LHFPL3: variants seen among roughly 807,000 people sequenced by gnomAD.
LHFPL3 encodes LHFPL tetraspan subfamily member 3 protein.
Under a neutral mutation model 19.3 loss-of-function variants are expected in LHFPL3, and 5 were observed. The ratio of observed to expected loss-of-function variants is 0.26; its 90% CI spans 0.14 to 0.54. LHFPL3 has a LOEUF of 0.54. Among genes scored for constraint, LHFPL3 ranks in the 20% least tolerant of loss-of-function variants. LHFPL3 has a pLI of 0.94. For synonymous variants in LHFPL3, 133 were observed against 126.2 expected, an observed-to-expected ratio of 1.05 and a Z score of -0.36; for missense variants, 249 against 307.4, an observed-to-expected ratio of 0.81 and a Z score of 1.42.
At chr7:104,383,408 C>T (rs1475976091) in intron 1 of LHFPL3, among the ~76,000 whole-genome samples, 1 of 152,146 alleles carries the variant, frequency 6.6e-6, no homozygotes, top group African/African-American at 2.4e-5. Context: ...TTTAACAAGC[C>T]ACATAGTAAT....
intron 2 of LHFPL3, among the ~76,000 whole-genome samples, chr7:104,821,295 T>C (rs1046680764): frequency 1.3e-5 from 2 of 151,952 alleles, no homozygotes; most frequent in Non-Finnish European, 2.9e-5. Flanking sequence ...AAGCAAAGGG[T>C]TCCCTGCTGA....
Position 104,720,961 on chromosome 7 carries a change from A to G in LHFPL3, c.446-15714A>G, listed in dbSNP as rs143720118. Reference sequence around the variant, plus strand: ...GGTGGGAGTGTAAATTAGTTCAACCATTGAGGAAGACAGTGTGACGATTCC... The same window carrying G: ...GGTGGGAGTGTAAATTAGTTCAACCGTTGAGGAAGACAGTGTGACGATTCC... On this transcript the variant is annotated intron_variant, in intron 1 of 2. Coordinates refer to ENST00000424859, the MANE Select transcript of LHFPL3 (RefSeq NM_199000.3). 6.4e-3 allele frequency among the ~76,000 whole-genome samples: 970 copies of G among 152,342 alleles called. 11 individuals carry two copies. Among genetic ancestry groups the G allele is most frequent in the African/African-American group, 0.022 (913 of 41,570 alleles).
intron 2 of LHFPL3, among the ~76,000 whole-genome samples, chr7:104,840,303 G>GTT (rs1265549229): frequency 2.6e-5 from 2 of 77,928 alleles, no homozygotes; most frequent in African/African-American, 4.7e-5. Flanking sequence ...TTTCTTGTGG[G>GTT]TTTTCTTTTT....
intron 1 of LHFPL3, among the ~76,000 whole-genome samples, chr7:104,730,434 A>G (rs1181819969): frequency 2.6e-5 from 4 of 152,190 alleles, no homozygotes; most frequent in Admixed American, 6.5e-5. Context: ...AAAGATCGCC[A>G]TTCTAACTGG....
intron 1 of LHFPL3, among the ~76,000 whole-genome samples, chr7:104,515,743 G>A (rs1180622121): frequency 6.6e-6 from 1 of 152,162 alleles, no homozygotes; most frequent in East Asian, 1.9e-4. Context: ...CAGCCTTTGA[G>A]ATTAAGTACA....
At position 104,452,642 on chromosome 7, in the gene LHFPL3, T is replaced by C. The variant is rs115457841; in HGVS notation, c.445+123418T>C. On this transcript the variant is annotated intron_variant, in intron 1 of 2. Transcript: ENST00000424859. The stretch of plus-strand genomic sequence containing the variant: ...TTAATTAAGCATTATATCTTTTTAA[T>C]TGATTTTATTGATATTTCTTTCATC... Among the ~76,000 whole-genome samples, 648 of 152,358 alleles carry C rather than the reference T, an allele frequency of 4.3e-3. 1 individual carries two copies. The highest frequency in any genetic ancestry group is 0.015 in the African/African-American group (625 of 41,588).
intron 2 of LHFPL3, chr7:104,845,405 C>A: frequency 6.5e-7 from 1 of 1,535,684 alleles, no homozygotes; most frequent in Non-Finnish European, 8.7e-7. Context: ...TTAAGGCAAA[C>A]TAAGGTAGTG....
At chr7:104,519,644 C>T (rs1050161179) in intron 1 of LHFPL3, among the ~76,000 whole-genome samples, 1 of 152,168 alleles carries the variant, frequency 6.6e-6, no homozygotes, top group East Asian at 1.9e-4. Flanking sequence ...GTGAAGAAAA[C>T]ATTTTTATTC....
At chr7:104,892,440 T>C (rs1487792383) in intron 2 of LHFPL3, among the ~76,000 whole-genome samples, 1 of 152,094 alleles carries the variant, frequency 6.6e-6, no homozygotes, top group Non-Finnish European at 1.5e-5. Flanking sequence ...TCGTAGGGCA[T>C]GGTGGCTCAC....
At chr7:104,571,030 T>G (rs774758304) in intron 1 of LHFPL3, among the ~76,000 whole-genome samples, 41 of 152,222 alleles carry the variant, frequency 2.7e-4, no homozygotes, top group Non-Finnish European at 5.1e-4. Flanking sequence ...AAAGAGCTTT[T>G]TTGGAGAACC....
chr7:104,903,113 A>G (rs914246748), intron 2 of LHFPL3, among the ~76,000 whole-genome samples: 12 of 152,178 alleles, frequency 7.9e-5, no homozygotes, highest in African/African-American at 2.7e-4. Context: ...AAGTCCTTCC[A>G]ACACTCACTG....
At chr7:104,634,513 T>C (rs892802015) in intron 1 of LHFPL3, among the ~76,000 whole-genome samples, 17 of 152,164 alleles carry the variant, frequency 1.1e-4, no homozygotes, top group African/African-American at 4.1e-4. Flanking sequence ...CATATACATT[T>C]TGGGCTCAAA....
chr7:104,551,583 T>C (rs560481878), intron 1 of LHFPL3, among the ~76,000 whole-genome samples: 120 of 152,266 alleles, frequency 7.9e-4, no homozygotes, highest in Non-Finnish European at 1.5e-3. Context: ...TATTCACAAA[T>C]GCCTTCACTA....
chr7:104,843,033 A>C (rs1333099830), intron 2 of LHFPL3, among the ~76,000 whole-genome samples: 3 of 152,174 alleles, frequency 2.0e-5, no homozygotes, highest in African/African-American at 4.8e-5. Flanking sequence ...ATCTAAGACC[A>C]TGTCTTTAAA....
chr7:104,680,827 T>G (rs1366457109), intron 1 of LHFPL3, among the ~76,000 whole-genome samples: 1 of 152,138 alleles, frequency 6.6e-6, no homozygotes, highest in Non-Finnish European at 1.5e-5. Flanking sequence ...GGCATGGGGT[T>G]GCCTAGACAG....
At chr7:104,374,352 C>T (rs1208658644) in intron 1 of LHFPL3, among the ~76,000 whole-genome samples, 1 of 152,020 alleles carries the variant, frequency 6.6e-6, no homozygotes, top group Non-Finnish European at 1.5e-5. Context: ...AGCGATTCTC[C>T]TGCCTCAGCC....
intron 1 of LHFPL3, among the ~76,000 whole-genome samples, chr7:104,519,655 T>C (rs1435440797): frequency 6.6e-6 from 1 of 152,144 alleles, no homozygotes; most frequent in African/African-American, 2.4e-5. Context: ...ATTTTTATTC[T>C]TTTTCCCATT....
chr7:104,478,936 C>CTT (rs1793077147), intron 1 of LHFPL3, among the ~76,000 whole-genome samples: 1 of 152,152 alleles, frequency 6.6e-6, no homozygotes, highest in African/African-American at 2.4e-5. Flanking sequence ...CTAAAATAGT[C>CTT]TTTAAGAGTT....
At chr7:104,393,206 C>A (rs1170689463) in intron 1 of LHFPL3, among the ~76,000 whole-genome samples, 2 of 152,076 alleles carry the variant, frequency 1.3e-5, no homozygotes, top group African/African-American at 4.8e-5. Flanking sequence ...AAACCTCATA[C>A]CTTGCTGGTC....
Sources: allele counts gnomAD v4.1 joint callset (sites outside exome capture counted in the v4.1 genomes callset), GRCh38; gene constraint gnomAD v4.1.1; transcripts MANE v1.5; gene names NCBI Gene and HGNC (gene_info 2026-07-23, HGNC 2026-07-21).